CSMD1: variants seen among roughly 807,000 people sequenced by gnomAD.
The protein encoded by CSMD1 is CUB and sushi domain-containing protein 1.
A neutral mutation model predicts 417.5 loss-of-function variants in CSMD1; 213 were observed. The ratio of observed to expected loss-of-function variants is 0.51; its 90% CI spans 0.46 to 0.57. The LOEUF (loss-of-function observed/expected upper bound fraction) is 0.57, where lower values mean the gene tolerates loss of function less well. CSMD1 is among the 20% of genes least tolerant of loss of function. The probability of loss-of-function intolerance (pLI) is 0.00; values close to 1 mark genes in which losing one functional copy is unlikely to be tolerated. For missense variants in CSMD1, 6,923 were observed against 4,529.7 expected (o/e 1.53, Z -15.17); for synonymous variants, 2,862 against 1,736.8 (o/e 1.65, Z -16.11).
chr8:3,798,158 G>T (rs1279131669), intron 5 of CSMD1, among the ~76,000 whole-genome samples: 1 of 151,870 alleles, frequency 6.6e-6, no homozygotes, highest in African/African-American at 2.4e-5. Flanking sequence ...ATCATATGTA[G>T]TCTTTTATTA....
At chr8:4,254,161 C>A (rs1165665607) in intron 3 of CSMD1, among the ~76,000 whole-genome samples, 1 of 152,054 alleles carries the variant, frequency 6.6e-6, no homozygotes, top group Non-Finnish European at 1.5e-5. Context: ...TGGTGATCCA[C>A]CCGCCTTGGC....
At chr8:4,730,839 C>T (rs1809804092) in intron 1 of CSMD1, among the ~76,000 whole-genome samples, 1 of 152,010 alleles carries the variant, frequency 6.6e-6, no homozygotes, top group East Asian at 1.9e-4. Context: ...AATGCTTTAT[C>T]TAAAGAAATA....
intron 3 of CSMD1, among the ~76,000 whole-genome samples, chr8:4,249,285 A>T (rs1462724296): frequency 6.6e-6 from 1 of 152,218 alleles, no homozygotes; most frequent in African/African-American, 2.4e-5. Context: ...TTCTAAAGTT[A>T]TGGAAGGTAG....
intron 1 of CSMD1, among the ~76,000 whole-genome samples, chr8:4,858,642 T>A: frequency 6.6e-6 from 1 of 151,774 alleles, no homozygotes. Context: ...GAGAGCCAAA[T>A]CACGAGTGAA....
chr8:3,368,301 C>A (rs557301344), intron 19 of CSMD1, among the ~76,000 whole-genome samples: 38 of 152,216 alleles, frequency 2.5e-4, no homozygotes, highest in Middle Eastern at 3.4e-3. Context: ...ACGAAGTCTA[C>A]ATAATACTTA....
At chr8:4,753,836 G>A (rs943598139) in intron 1 of CSMD1, among the ~76,000 whole-genome samples, 4 of 151,968 alleles carry the variant, frequency 2.6e-5, no homozygotes, top group Non-Finnish European at 4.4e-5. Context: ...TTATTATTTC[G>A]CACTGTGATA....
In CSMD1 at chr8:4,826,375, C is replaced by T. The variant is rs1992204; in HGVS notation, c.85+167957G>A. ...ACAGCTTTTTCCACTTTTTAAAAGACGCAATCCTGCATATGCAACAGCATG... is the reference window on the plus strand; with the variant it reads ...ACAGCTTTTTCCACTTTTTAAAAGATGCAATCCTGCATATGCAACAGCATG... On this transcript the variant is annotated intron_variant, in intron 1 of 69. Transcript: ENST00000635120. 1.4e-3 allele frequency among the ~76,000 whole-genome samples: 216 copies of T among 152,170 alleles called. 1 individual carries two copies. Among genetic ancestry groups the T allele is most frequent in the Non-Finnish European group, 2.1e-3 (141 of 67,986 alleles).
chr8:4,767,461 G>A (rs2164905), intron 1 of CSMD1, among the ~76,000 whole-genome samples: 75,935 of 151,460 alleles, frequency 0.5, 19,281 homozygotes, highest in Admixed American at 0.64. Flanking sequence ...TAGCTCACTG[G>A]GGCTCTGCCT....
intron 12 of CSMD1, among the ~76,000 whole-genome samples, chr8:3,460,510 A>G (rs1258800570): frequency 6.6e-6 from 1 of 152,108 alleles, no homozygotes; most frequent in Non-Finnish European, 1.5e-5. Context: ...GTGTGTGAGC[A>G]AAATAGAAGA....
Position 2,955,626 on chromosome 8 carries a change from T to A in CSMD1, c.9957A>T (p.Ala3319=). Residue 3319 remains alanine, a synonymous_variant, in exon 64 of 70, where the codon GCA becomes GCT. Transcript: ENST00000635120. The stretch of plus-strand genomic sequence containing the variant: ...GCGACTTTCCTGTCCATTTCATGTC[T>A]GCTTTACATGTTCTGTGCTCAGATC... ...AGGSEHRTCK[A]DMKWTGKSPV... is the part of the protein sequence containing the mutation. 1 of 1,613,890 alleles carries A rather than the reference T, an allele frequency of 6.2e-7. No homozygotes were observed. Among genetic ancestry groups the A allele is most frequent in the Non-Finnish European group, 8.5e-7 (1 of 1,179,814 alleles).
intron 10 of CSMD1, among the ~76,000 whole-genome samples, chr8:3,567,683 T>C (rs1344913538): frequency 2.6e-5 from 4 of 152,124 alleles, no homozygotes; most frequent in Non-Finnish European, 5.9e-5. Context: ...AATGCAACTG[T>C]ACAGAAAGAC....
At position 4,865,707 on chromosome 8, in the gene CSMD1, C is replaced by G. The variant is rs1270082682; in HGVS notation, c.85+128625G>C. Among the ~76,000 whole-genome samples, 3 of 151,782 alleles carry G rather than the reference C, an allele frequency of 2.0e-5. No individual in the cohort carries two copies. In the East Asian group the frequency reaches 5.8e-4, roughly 29 times the overall value. On this transcript the variant is annotated intron_variant, in intron 1 of 69. Transcript: ENST00000635120. ...GGTACTTCCATCAATCAGATTTGTTCTAATGCAAAATGTATCTAAATTTAC... is the reference window on the plus strand; with the variant it reads ...GGTACTTCCATCAATCAGATTTGTTGTAATGCAAAATGTATCTAAATTTAC...
chr8:4,895,238 C>G (rs1197540340), intron 1 of CSMD1, among the ~76,000 whole-genome samples: 1 of 152,126 alleles, frequency 6.6e-6, no homozygotes, highest in Non-Finnish European at 1.5e-5. Flanking sequence ...ACCTGAATCA[C>G]GTTCAGAGAT....
At chr8:4,264,482 T>G (rs1804104484) in intron 3 of CSMD1, among the ~76,000 whole-genome samples, 1 of 152,174 alleles carries the variant, frequency 6.6e-6, no homozygotes, top group Non-Finnish European at 1.5e-5. Context: ...TCTCTCATCG[T>G]TCTAGTTTAC....
At chr8:4,854,772 G>C (rs555111070) in intron 1 of CSMD1, among the ~76,000 whole-genome samples, 51 of 152,204 alleles carry the variant, frequency 3.4e-4, no homozygotes, top group African/African-American at 1.2e-3. Flanking sequence ...TACACCCACA[G>C]AGTCTCGCTG....
chr8:3,153,340 C>T (rs1193392370), intron 39 of CSMD1, among the ~76,000 whole-genome samples: 1 of 152,188 alleles, frequency 6.6e-6, no homozygotes, highest in Non-Finnish European at 1.5e-5. Context: ...AACCAGCAGC[C>T]CTCGGGGCTG....
intron 1 of CSMD1, among the ~76,000 whole-genome samples, chr8:4,662,656 G>A (rs148962779): frequency 6.6e-6 from 1 of 152,208 alleles, no homozygotes; most frequent in African/African-American, 2.4e-5. Context: ...CCTTTCAGCC[G>A]CCACTTCGTT....
chr8:3,556,414 T>TATATATATATATATATATATATATATATA (rs1349911850), intron 10 of CSMD1, among the ~76,000 whole-genome samples: 1 of 142,042 alleles, frequency 7.0e-6, no homozygotes, highest in African/African-American at 2.7e-5. Flanking sequence ...TATATATATA[T>TATATATATATATATATATATATATATATA]TCACACACAC....
intron 7 of CSMD1, among the ~76,000 whole-genome samples, chr8:3,635,274 G>C (rs1434690649): frequency 6.6e-6 from 1 of 151,986 alleles, no homozygotes; most frequent in African/African-American, 2.4e-5. Context: ...AGGTGTTCAA[G>C]ACCAGCCCGG....
Sources: gnomAD v4.1 joint callset for allele counts (sites outside exome capture counted in the v4.1 genomes callset) on GRCh38, gnomAD v4.1.1 for gene constraint, MANE v1.5 for transcripts, NCBI Gene and HGNC (gene_info 2026-07-23, HGNC 2026-07-21) for gene names.